KMT5B: variants seen among roughly 807,000 people sequenced by gnomAD.
KMT5B encodes the protein histone-lysine N-methyltransferase KMT5B.
In KMT5B, 10 loss-of-function variants were observed where a neutral mutation model predicts 83.2. The ratio of observed to expected loss-of-function variants is 0.12; its 90% CI spans 0.07 to 0.20. KMT5B has a LOEUF of 0.20. KMT5B is among the 10% of genes least tolerant of loss of function. The pLI is 1.00. For synonymous variants in KMT5B, 349 were observed against 388.8 expected, an observed-to-expected ratio of 0.90 and a Z score of 1.20; for missense variants, 753 against 1,067.2, an observed-to-expected ratio of 0.71 and a Z score of 4.10.
intron 9 of KMT5B, 29 bp downstream of exon 9, chr11:68,170,986 T>C (rs1855791630): frequency 6.4e-7 from 1 of 1,560,432 alleles, no homozygotes; most frequent in Non-Finnish European, 8.6e-7. Flanking sequence ...AAAAAATGTT[T>C]AGGCTGAACA....
chr11:68,165,332 C>T (rs570082520), intron 10 of KMT5B, among the ~76,000 whole-genome samples: 7 of 152,208 alleles, frequency 4.6e-5, no homozygotes, highest in African/African-American at 1.4e-4. Context: ...GGTGAAACCC[C>T]GTCTCTACTA....
intron 4 of KMT5B, chr11:68,179,473 T>C: frequency 2.3e-6 from 3 of 1,304,232 alleles, no homozygotes; most frequent in Non-Finnish European, 3.0e-6. Flanking sequence ...CACACACCTG[T>C]TCCCCACTCT....
In KMT5B at chr11:68,171,170, A is replaced by G; in HGVS notation, c.841-19T>C. 1 of 1,609,202 alleles carries G rather than the reference A, an allele frequency of 6.2e-7. No homozygotes were observed. Among genetic ancestry groups the G allele is most frequent in the Non-Finnish European group, 8.5e-7 (1 of 1,179,018 alleles). On this transcript the variant is annotated intron_variant, in intron 8 of 10. Coordinates refer to ENST00000304363, the MANE Select transcript of KMT5B (RefSeq NM_017635.5). This position sits in a 1 kb window ranked among gnomAD's most constrained non-coding sequence, Gnocchi z 5.1. ...ACACAAACTAAAATAAAAGTAACTC[A>G]GTAAGAAACTCACACCTGAAGCAAA...
Position 68,173,911 on chromosome 11 carries a change from T to C in KMT5B, c.546A>G (p.Val182=). 1.9e-6 allele frequency: 3 copies of C among 1,576,428 alleles called. No individual in the cohort carries two copies. Among genetic ancestry groups the C allele is most frequent in the Non-Finnish European group, 2.6e-6 (3 of 1,160,616 alleles). Residue 182 remains valine, a splice_region_variant and synonymous_variant, in exon 6 of 11, where the codon GTA becomes GTG. Coordinates refer to ENST00000304363, the MANE Select transcript of KMT5B (RefSeq NM_017635.5). ...KMQEKLFKEH[V]FIYLRMFATD... ...TTGCAAACATTCGCAAATAAATAAA[T>C]ACCTAAAACAGGAAAAAAAAATTGA...
intron 1 of KMT5B, among the ~76,000 whole-genome samples, chr11:68,199,788 C>T (rs1225507803): frequency 6.6e-6 from 1 of 152,142 alleles, no homozygotes. Context: ...GCAGAGGTGG[C>T]AAGAAGTGGT....
At chr11:68,175,594 C>T (rs886378031) in intron 4 of KMT5B, among the ~76,000 whole-genome samples, 2 of 152,144 alleles carry the variant, frequency 1.3e-5, no homozygotes, top group Non-Finnish European at 2.9e-5. Context: ...ATACAGCACA[C>T]CTAATTTAGA....
chr11:68,177,347 T>C (rs1479686796), intron 4 of KMT5B, among the ~76,000 whole-genome samples: 1 of 151,956 alleles, frequency 6.6e-6, no homozygotes, highest in African/African-American at 2.4e-5. Flanking sequence ...CAGGTAAGAA[T>C]CAAAAGGAAG....
At chr11:68,186,267 AACAAG>A (rs1857430189) in intron 2 of KMT5B, among the ~76,000 whole-genome samples, 1 of 152,184 alleles carries the variant, frequency 6.6e-6, no homozygotes, top group African/African-American at 2.4e-5. Flanking sequence ...TCACTATTTT[AACAAG>A]ACAATACACA....
chr11:68,198,447 C>T (rs1336750949), intron 1 of KMT5B, among the ~76,000 whole-genome samples: 37 of 13,994 alleles, frequency 2.6e-3, no homozygotes, highest in African/African-American at 0.015. Context: ...AAAGACAAGA[C>T]AAGACAAGAC....
intron 1 of KMT5B, among the ~76,000 whole-genome samples, chr11:68,212,201 T>C (rs1307893459): frequency 1.3e-5 from 2 of 152,192 alleles, no homozygotes; most frequent in African/African-American, 2.4e-5. Context: ...TTCAGACCTG[T>C]ATGGCCATCC....
chr11:68,201,732 G>A (rs1241460261), intron 1 of KMT5B, among the ~76,000 whole-genome samples: 1 of 151,938 alleles, frequency 6.6e-6, no homozygotes, highest in Non-Finnish European at 1.5e-5. Context: ...TTATCCAGTG[G>A]CAGGGAAACA....
In KMT5B at chr11:68,210,666, C is replaced by T. The variant is rs534780672; in HGVS notation, c.-77+2472G>A. Reference sequence around the variant, plus strand: ...GCCTGGTGTTCAAGTCTGTCTCATTCGGAGACCGGCTAGCCCCAAATCAAC... The same window carrying T: ...GCCTGGTGTTCAAGTCTGTCTCATTTGGAGACCGGCTAGCCCCAAATCAAC... On this transcript the variant is annotated intron_variant, in intron 1 of 10. Transcript: ENST00000304363. Among the ~76,000 whole-genome samples, 4 of 152,260 alleles carry T rather than the reference C, an allele frequency of 2.6e-5. No homozygotes were observed. In the South Asian group the frequency reaches 8.3e-4, roughly 32 times the overall value.
At position 68,157,615 on chromosome 11, in the gene KMT5B, A is replaced by G; in HGVS notation, c.*73T>C. The G allele has an allele frequency of 6.7e-7, 1 of 1,485,474 alleles. No individual in the cohort carries two copies. The highest frequency in any genetic ancestry group is 8.9e-7 in the Non-Finnish European group (1 of 1,123,378). 92.0% of individuals were successfully genotyped at this position (1,485,474 alleles called of 1,614,324 possible). ...ATAGAAGTGCTGCCACTAAACTTTC[A>G]GTTGAGGAATAATTGACTGGAATTT... On this transcript the variant is annotated 3_prime_UTR_variant, in exon 11 of 11. Coordinates refer to ENST00000304363, the MANE Select transcript of KMT5B (RefSeq NM_017635.5).
rs1163373439 is a variant in KMT5B at position 68,167,146 on chromosome 11, C to T, written c.1010G>A (p.Gly337Glu). The T allele has an allele frequency of 6.2e-7, 1 of 1,612,990 alleles. No homozygotes were observed. Among genetic ancestry groups the T allele is most frequent in the Non-Finnish European group, 8.5e-7 (1 of 1,179,520 alleles). The part of the protein sequence containing the change: ...RGTGAFKSRV[G>E]LPAPAPVINS... The stretch of plus-strand genomic sequence containing the variant: ...GATAACAGGAGCAGGCGCAGGCAGT[C>T]CCACTCTGGATTTAAAAGCACCAGT... Residue 337 changes from glycine (G) to glutamate (E), a missense_variant, in exon 10 of 11, where the codon GGA (glycine) becomes GAA (glutamate). Coordinates refer to ENST00000304363, the MANE Select transcript of KMT5B (RefSeq NM_017635.5).
intron 2 of KMT5B, among the ~76,000 whole-genome samples, chr11:68,186,714 A>G (rs188418911): frequency 2.0e-5 from 3 of 152,378 alleles, no homozygotes; most frequent in Admixed American, 1.3e-4. Flanking sequence ...TGCCACTGAC[A>G]GTCCTTCCAT....
At chr11:68,207,870 C>T (rs548683048) in intron 1 of KMT5B, among the ~76,000 whole-genome samples, 1 of 150,296 alleles carries the variant, frequency 6.7e-6, no homozygotes, top group East Asian at 2.0e-4. Flanking sequence ...GACGCTGTCT[C>T]GCTCTATTGC....
chr11:68,196,278 C>T (rs1251731935), intron 1 of KMT5B, among the ~76,000 whole-genome samples: 1 of 151,954 alleles, frequency 6.6e-6, no homozygotes, highest in Non-Finnish European at 1.5e-5. Context: ...TTCCTTAAGT[C>T]CCAGTTCAGT....
At chr11:68,208,456 A>C (rs1860457434) in intron 1 of KMT5B, among the ~76,000 whole-genome samples, 1 of 136,740 alleles carries the variant, frequency 7.3e-6, no homozygotes, top group South Asian at 2.3e-4. Flanking sequence ...CTGTCTCCAA[A>C]CAAACAAACA....
Position 68,171,419 on chromosome 11 carries a change from A to C in KMT5B, c.820+124T>G. ...TACATTTATTTTAATAAGTTTGTGG[A>C]AACATTTCTATTTCAAATTCTCCTT... On this transcript the variant is annotated intron_variant, in intron 7 of 10. Coordinates refer to ENST00000304363, the MANE Select transcript of KMT5B (RefSeq NM_017635.5). The surrounding 1 kb of genome is among the most constrained non-coding windows in gnomAD (Gnocchi z 5.1). 7.7e-7 allele frequency: 1 copy of C among 1,294,084 alleles called. No homozygotes were observed. The highest frequency in any genetic ancestry group is 1.1e-6 in the Non-Finnish European group (1 of 935,846). 80.2% of individuals were successfully genotyped at this position (1,294,084 alleles called of 1,614,324 possible).
Sources: gnomAD v4.1 joint callset for allele counts (sites outside exome capture counted in the v4.1 genomes callset) on GRCh38, gnomAD v4.1.1 for gene constraint, Gnocchi (gnomAD v3.1) non-coding constraint, MANE v1.5 for transcripts, NCBI Gene and HGNC (gene_info 2026-07-23, HGNC 2026-07-21) for gene names.